PDCD11: variants seen among roughly 807,000 people sequenced by gnomAD.
The protein encoded by PDCD11 is protein RRP5 homolog.
In PDCD11, 97 loss-of-function variants were observed where a neutral mutation model predicts 198.9. The observed-to-expected ratio is 0.49, with a 90% CI of 0.41 to 0.58. PDCD11 has a LOEUF of 0.58. Ranked by LOEUF, PDCD11 falls within the 20% of genes least tolerant of loss-of-function variation. The probability of loss-of-function intolerance (pLI) is 0.00; values close to 1 mark genes in which losing one functional copy is unlikely to be tolerated. For missense variants in PDCD11, 2,102 were observed against 2,312.7 expected, an observed-to-expected ratio of 0.91 and a Z score of 1.87; for synonymous variants, 893 against 918.0, an observed-to-expected ratio of 0.97 and a Z score of 0.49.
At chr10:103,434,733 C>A in intron 24 of PDCD11, 65 bp from the exon 25 acceptor site, 3 of 1,394,030 alleles carry the variant, frequency 2.2e-6, no homozygotes, top group Non-Finnish European at 2.9e-6. Context: ...CTGTGTGTGG[C>A]TGGCATTCCC....
intron 32 of PDCD11, among the ~76,000 whole-genome samples, chr10:103,442,914 C>A (rs922049289): frequency 1.3e-5 from 2 of 152,166 alleles, no homozygotes; most frequent in Admixed American, 6.5e-5. Context: ...CGTTTGGGAT[C>A]TGGTGGGCAT....
chr10:103,417,157 A>G (rs7089271), intron 13 of PDCD11, among the ~76,000 whole-genome samples: 68,847 of 151,888 alleles, frequency 0.45, 16,458 homozygotes, highest in South Asian at 0.66. Flanking sequence ...GGGGTACAAT[A>G]TGATATTTCT....
At chr10:103,402,123 T>C (rs1216266315) in intron 3 of PDCD11, among the ~76,000 whole-genome samples, 1 of 152,202 alleles carries the variant, frequency 6.6e-6, no homozygotes, top group Non-Finnish European at 1.5e-5. Context: ...AGAAGGCCCG[T>C]ATTCCCTCAT....
At chr10:103,405,780 T>A (rs1480402069) in intron 5 of PDCD11, among the ~76,000 whole-genome samples, 1 of 152,198 alleles carries the variant, frequency 6.6e-6, no homozygotes, top group African/African-American at 2.4e-5. Context: ...ACATTCCTCA[T>A]TGCCTGGCAA....
At chr10:103,416,054 C>T (rs1564763404) in intron 12 of PDCD11, among the ~76,000 whole-genome samples, 1 of 152,132 alleles carries the variant, frequency 6.6e-6, no homozygotes, top group Non-Finnish European at 1.5e-5. Flanking sequence ...AAGGAGATGA[C>T]CTTCTGAAGG....
rs532506836 is a variant in PDCD11, at chr10:103,434,594, C to T, written c.3668-204C>T. The T allele has an allele frequency of 6.1e-5, 36 of 588,812 alleles. No homozygotes were observed. The South Asian group carries it at 8.0e-4, about 13-fold the overall frequency. 36.5% of individuals were successfully genotyped at this position (588,812 alleles called of 1,614,324 possible). Reference sequence around the variant, plus strand: ...CCTACACAGGTGTTTTTCTCAAGTCCCTGGGAAAGAGTTGTCCACCACTTG... The same window carrying T: ...CCTACACAGGTGTTTTTCTCAAGTCTCTGGGAAAGAGTTGTCCACCACTTG... On this transcript the variant is annotated intron_variant, in intron 24 of 35. Coordinates refer to ENST00000369797, the MANE Select transcript of PDCD11 (RefSeq NM_014976.2).
intron 25 of PDCD11, 152 bp from the exon 26 acceptor site, chr10:103,437,863 A>C (rs1215123627): frequency 1.6e-6 from 1 of 631,610 alleles, no homozygotes; most frequent in Non-Finnish European, 2.9e-6. Context: ...AGAGTCCCTC[A>C]GCAGGTTTTC....
chr10:103,434,370 C>T lies in PDCD11; in HGVS notation c.3667+20C>T, dbSNP rs201537457. 7.2e-5 allele frequency: 108 copies of T among 1,496,930 alleles called. No individual in the cohort carries two copies. The East Asian group carries it at 2.4e-3, about 34-fold the overall frequency. The allele number at this position is 1,496,930 out of a possible 1,614,324, so 92.7% of individuals were successfully genotyped here. ...TCACAGGTGTGGGGATGAAACAGTG[C>T]CTGGTCGGGGAAGGGGAGCGGCAGG... On this transcript the variant is annotated intron_variant, in intron 24 of 35. Coordinates refer to ENST00000369797, the MANE Select transcript of PDCD11 (RefSeq NM_014976.2).
chr10:103,412,842 C>T (rs1221414860), intron 8 of PDCD11, among the ~76,000 whole-genome samples: 1 of 152,224 alleles, frequency 6.6e-6, no homozygotes, highest in Non-Finnish European at 1.5e-5. Flanking sequence ...AAGTGATCCA[C>T]CTGCCTTGGT....
intron 13 of PDCD11, 102 bp from the exon 14 acceptor site, chr10:103,417,690 G>C (rs991442851): frequency 2.4e-6 from 3 of 1,254,756 alleles, no homozygotes; most frequent in Non-Finnish European, 3.4e-6. Flanking sequence ...CCAAAGGCTC[G>C]GTAGATCTCC....
At chr10:103,416,822 G>T in intron 13 of PDCD11, 80 bp downstream of exon 13, 1 of 1,512,320 alleles carries the variant, frequency 6.6e-7, no homozygotes, top group East Asian at 2.3e-5. Context: ...AAGTAGTGGG[G>T]CTGCCTTTAG....
chr10:103,405,268 T>G, intron 5 of PDCD11, 85 bp downstream of exon 5: 1 of 1,341,948 alleles, frequency 7.5e-7, no homozygotes, highest in Admixed American at 1.9e-5. Context: ...ACCTTTTACT[T>G]TCAGCTCAAT....
At chr10:103,406,928 A>G (rs1200980531) in intron 7 of PDCD11, 138 bp downstream of exon 7, 1 of 594,624 alleles carries the variant, frequency 1.7e-6, no homozygotes, top group Non-Finnish European at 2.8e-6. Context: ...AAATGTGGCC[A>G]GTGCCACATG....
At chr10:103,405,830 T>C in intron 5 of PDCD11, among the ~76,000 whole-genome samples, 155 bp from the exon 6 acceptor site, 1 of 152,234 alleles carries the variant, frequency 6.6e-6, no homozygotes. Context: ...GAATTTGATG[T>C]CTGCTGTCTA....
In PDCD11 at chr10:103,438,817, G is replaced by C; in HGVS notation, c.4025+9G>C. ...CACGGTGTGTTCTTTCGGTGAGTGAGGGGGGCTCTGCACCCGGACCCAAGT... is the reference window on the plus strand; with the variant it reads ...CACGGTGTGTTCTTTCGGTGAGTGACGGGGGCTCTGCACCCGGACCCAAGT... On this transcript the variant is annotated intron_variant, in intron 27 of 35. Transcript: ENST00000369797. 6.2e-7 allele frequency: 1 copy of C among 1,613,350 alleles called. No individual in the cohort carries two copies. Among genetic ancestry groups the C allele is most frequent in the East Asian group, 2.2e-5 (1 of 44,890 alleles).
At chr10:103,421,257 C>T in intron 16 of PDCD11, 91 bp from the exon 17 acceptor site, 2 of 973,470 alleles carry the variant, frequency 2.1e-6, no homozygotes, top group Non-Finnish European at 3.2e-6. Context: ...CCCATTTCCC[C>T]CTACTCACGT....
intron 1 of PDCD11, among the ~76,000 whole-genome samples, chr10:103,397,876 T>A (rs2093445443): frequency 1.3e-5 from 2 of 152,226 alleles, no homozygotes; most frequent in South Asian, 4.1e-4. Flanking sequence ...GCTTTTCCCA[T>A]CCATGTCTTT....
At position 103,418,425 on chromosome 10, in the gene PDCD11, C is replaced by G; in HGVS notation, c.1912-15C>G. ...CATGACAAGTGCTATTTTTGTCTTT[C>G]TCTTCCCTGGGTAGTTGGTAGATGT... On this transcript the variant is annotated splice_polypyrimidine_tract_variant and intron_variant, in intron 14 of 35. Transcript: ENST00000369797. The G allele has an allele frequency of 6.2e-7, 1 of 1,606,124 alleles. No homozygotes were observed. The highest frequency in any genetic ancestry group is 8.5e-7 in the Non-Finnish European group (1 of 1,174,946).
chr10:103,445,605 G>A lies in PDCD11; in HGVS notation c.*56G>A, dbSNP rs969985337. 80 of 1,505,210 alleles carry A rather than the reference G, an allele frequency of 5.3e-5. No individual in the cohort carries two copies. The East Asian group carries it at 1.1e-3, about 21-fold the overall frequency. 93.2% of individuals were successfully genotyped at this position (1,505,210 alleles called of 1,614,324 possible). On this transcript the variant is annotated 3_prime_UTR_variant, in exon 36 of 36. Transcript: ENST00000369797. ...CAATGGGCCAGCCCGGCCCCGCCTC[G>A]AGTGCCTGGGCACTCGGAAAACTGT...
Sources: allele counts gnomAD v4.1 joint callset (sites outside exome capture counted in the v4.1 genomes callset), GRCh38; gene constraint gnomAD v4.1.1; transcripts MANE v1.5; gene names NCBI Gene and HGNC (gene_info 2026-07-23, HGNC 2026-07-21).